The following ZNF423 variants were observed in gnomAD, a reference collection of about 807,000 sequenced individuals.
ZNF423 encodes zinc finger protein 423, also known as Ebf-associated zinc finger protein.
Under a neutral mutation model 95.8 loss-of-function variants are expected in ZNF423, and 12 were observed. The observed-to-expected ratio is 0.13, with a 90% confidence interval of 0.08 to 0.20. The LOEUF (loss-of-function observed/expected upper bound fraction) is 0.20, where lower values mean the gene tolerates loss of function less well. ZNF423 is among the 10% of genes least tolerant of loss of function. The probability of loss-of-function intolerance (pLI) is 1.00; values close to 1 mark genes in which losing one functional copy is unlikely to be tolerated. For missense variants in ZNF423, 1,316 were observed against 1,737.1 expected, an observed-to-expected ratio of 0.76 and a Z score of 4.31; for synonymous variants, 749 against 711.9, an observed-to-expected ratio of 1.05 and a Z score of -0.83.
chr16:49,524,811 C>G (rs1182842635), intron 6 of ZNF423, among the ~76,000 whole-genome samples: 1 of 152,192 alleles, frequency 6.6e-6, no homozygotes, highest in Non-Finnish European at 1.5e-5. Context: ...CAGGAGGGGG[C>G]CGGCAGAGCC....
chr16:49,643,061 T>G (rs59732086), intron 3 of ZNF423, among the ~76,000 whole-genome samples: 7,507 of 152,104 alleles, frequency 0.049, 635 homozygotes, highest in African/African-American at 0.17. Flanking sequence ...CCTCAAGTGA[T>G]CCACCCGCCT....
intron 5 of ZNF423, among the ~76,000 whole-genome samples, chr16:49,549,679 C>T (rs977252411): frequency 3.3e-5 from 5 of 152,188 alleles, no homozygotes; most frequent in South Asian, 2.1e-4. Context: ...TTCACACATC[C>T]GGTCCTTGTA....
rs148276045 is a variant in ZNF423, at chr16:49,807,479, C to T, written c.41-17933G>A. On this transcript the variant is annotated intron_variant, in intron 1 of 7. Transcript: ENST00000563137. The stretch of plus-strand genomic sequence containing the variant: ...TAAAAGCCCAAACCTTCCACAGAAA[C>T]GAACTGTAATGTCTGGTTCCAAACA... Among the ~76,000 whole-genome samples, 856 of 152,076 alleles carry T rather than the reference C, an allele frequency of 5.6e-3. 4 individuals are homozygous for T. Among genetic ancestry groups the T allele is most frequent in the African/African-American group, 0.02 (828 of 41,504 alleles).
chr16:49,517,280 C>T (rs1321552140), intron 7 of ZNF423, among the ~76,000 whole-genome samples: 1 of 152,234 alleles, frequency 6.6e-6, no homozygotes, highest in East Asian at 1.9e-4. Flanking sequence ...ATGCCTGAGC[C>T]ATGACTATCC....
intron 6 of ZNF423, among the ~76,000 whole-genome samples, chr16:49,524,880 G>A (rs968118531): frequency 1.4e-4 from 21 of 152,310 alleles, no homozygotes; most frequent in African/African-American, 4.1e-4. Context: ...CAGTCTGGGG[G>A]CTGGGAACTT....
chr16:49,835,923 G>A (rs2035114299), intron 1 of ZNF423, among the ~76,000 whole-genome samples: 1 of 152,166 alleles, frequency 6.6e-6, no homozygotes, highest in South Asian at 2.1e-4. Context: ...GGGAAGAAGA[G>A]GCAGGCTTCC....
At chr16:49,755,025 C>T (rs55936718) in intron 2 of ZNF423, among the ~76,000 whole-genome samples, 24 of 152,310 alleles carry the variant, frequency 1.6e-4, no homozygotes, top group African/African-American at 5.3e-4. Flanking sequence ...CTATCTTCCG[C>T]GGTGGCAGCG....
At chr16:49,547,530 A>C (rs1248404224) in intron 5 of ZNF423, among the ~76,000 whole-genome samples, 1 of 152,244 alleles carries the variant, frequency 6.6e-6, no homozygotes, top group Non-Finnish European at 1.5e-5. Flanking sequence ...TGCATTCATC[A>C]AGGCCCAGGA....
chr16:49,729,362 G>T (rs1596934527), intron 3 of ZNF423, among the ~76,000 whole-genome samples: 1 of 152,106 alleles, frequency 6.6e-6, no homozygotes, highest in Non-Finnish European at 1.5e-5. Context: ...TAGGATGAGG[G>T]TCAATAGCTC....
chr16:49,553,552 G>A (rs376695072), intron 5 of ZNF423, among the ~76,000 whole-genome samples: 3 of 152,062 alleles, frequency 2.0e-5, no homozygotes, highest in African/African-American at 4.8e-5. Context: ...TTGCTAGGTT[G>A]CCCAGGCTGG....
chr16:49,690,336 G>C (rs903969818), intron 3 of ZNF423, among the ~76,000 whole-genome samples: 5 of 152,180 alleles, frequency 3.3e-5, no homozygotes, highest in African/African-American at 1.2e-4. Flanking sequence ...TTTGAGACCA[G>C]CCTGAGCAAC....
chr16:49,527,702 C>T (rs1019089731), intron 5 of ZNF423, among the ~76,000 whole-genome samples: 13 of 152,166 alleles, frequency 8.5e-5, no homozygotes, highest in African/African-American at 2.4e-4. Flanking sequence ...TGGAAAACTG[C>T]ATTTCTGGGA....
chr16:49,650,641 C>T (rs1295939967), intron 3 of ZNF423, among the ~76,000 whole-genome samples: 2 of 152,190 alleles, frequency 1.3e-5, no homozygotes, highest in South Asian at 2.1e-4. Context: ...ACCCAGGCAT[C>T]CTGGGATGGA....
intron 2 of ZNF423, among the ~76,000 whole-genome samples, chr16:49,759,106 C>T (rs2143625133): frequency 6.6e-6 from 1 of 152,216 alleles, no homozygotes; most frequent in East Asian, 1.9e-4. Context: ...AAAAGGAAAG[C>T]TTGCTGGCTG....
intron 3 of ZNF423, among the ~76,000 whole-genome samples, chr16:49,647,000 G>A (rs1260650706): frequency 1.3e-5 from 2 of 152,188 alleles, no homozygotes; most frequent in African/African-American, 2.4e-5. Flanking sequence ...CTCCAAGAAG[G>A]AAAGTAACTT....
intron 5 of ZNF423, among the ~76,000 whole-genome samples, chr16:49,560,323 G>C (rs932175908): frequency 2.0e-5 from 3 of 152,142 alleles, no homozygotes; most frequent in African/African-American, 7.2e-5. Flanking sequence ...GGCCCCAAGT[G>C]GCTCTCCCAG....
intron 1 of ZNF423, among the ~76,000 whole-genome samples, chr16:49,844,408 A>G (rs549256596): frequency 6.6e-6 from 1 of 152,316 alleles, no homozygotes; most frequent in Admixed American, 6.5e-5. Context: ...AGCAGCTGCA[A>G]TCTCACAGCA....
chr16:49,832,345 C>T (rs2035069865), intron 1 of ZNF423, among the ~76,000 whole-genome samples: 1 of 152,178 alleles, frequency 6.6e-6, no homozygotes, highest in Non-Finnish European at 1.5e-5. Context: ...GGGTAGCAGG[C>T]CCCAGAGAGA....
At chr16:49,517,402 T>C (rs1211197791) in intron 7 of ZNF423, among the ~76,000 whole-genome samples, 3 of 152,214 alleles carry the variant, frequency 2.0e-5, no homozygotes, top group East Asian at 1.9e-4. Flanking sequence ...CGAAGACAAC[T>C]GTCCCTGCAT....
Sources: gnomAD v4.1 joint callset for allele counts (sites outside exome capture counted in the v4.1 genomes callset) on GRCh38, gnomAD v4.1.1 for gene constraint, MANE v1.5 for transcripts, NCBI Gene and HGNC (gene_info 2026-07-23, HGNC 2026-07-21) for gene names.